PARP12: variants seen among roughly 807,000 people sequenced by gnomAD.
PARP12 encodes poly(ADP-ribose) polymerase family member 12.
In PARP12, 59 loss-of-function variants were observed where a neutral mutation model predicts 72.4. That is an observed-to-expected ratio of 0.81 (90% confidence interval 0.66 to 1.01). The LOEUF (loss-of-function observed/expected upper bound fraction) is 1.01. Among genes scored for constraint, PARP12 ranks in the 50% least tolerant of loss-of-function variants. PARP12 has a pLI of 0.00. For synonymous variants in PARP12, 403 were observed against 371.4 expected (o/e 1.09, Z -0.98); for missense variants, 851 against 914.0 (o/e 0.93, Z 0.89).
At chr7:140,040,854 C>T (rs1185756766) in intron 6 of PARP12, among the ~76,000 whole-genome samples, 2 of 152,168 alleles carry the variant, frequency 1.3e-5, no homozygotes, top group Non-Finnish European at 2.9e-5. Context: ...ACCTCTGCCT[C>T]CCGGGTTCAA....
At chr7:140,049,573 G>C (rs896934432) in intron 4 of PARP12, among the ~76,000 whole-genome samples, 9 of 152,182 alleles carry the variant, frequency 5.9e-5, no homozygotes, top group Non-Finnish European at 1.2e-4. Context: ...GACAGCCTGA[G>C]ACAGGATCTC....
At chr7:140,058,526 GCA>G (rs1416511066) in intron 1 of PARP12, among the ~76,000 whole-genome samples, 1 of 151,612 alleles carries the variant, frequency 6.6e-6, no homozygotes, top group Non-Finnish European at 1.5e-5. Context: ...AGAGATTGGG[GCA>G]CAGACACACA....
At position 140,024,779 on chromosome 7, in the gene PARP12, C is replaced by T. The variant is rs1167595541; in HGVS notation, c.1887G>A (p.Arg629=). 1.9e-6 allele frequency: 3 copies of T among 1,614,182 alleles called. No individual in the cohort carries two copies. In the South Asian group the frequency reaches 3.3e-5, roughly 18 times the overall value. Residue 629 remains arginine, a synonymous_variant, in exon 12 of 12, where the codon AGG becomes AGA. Coordinates refer to ENST00000263549, the MANE Select transcript of PARP12 (RefSeq NM_022750.4). The stretch of plus-strand genomic sequence containing the variant: ...GCGGACGGACAAAGGAGGCATTGCC[C>T]CTGACGAACTCGCCCACCAGCACCC... ...LARVLVGEFV[R]GNASFVRPPA...
At chr7:140,027,144 C>G (rs1569526346) in intron 10 of PARP12, 132 bp downstream of exon 10, 3 of 1,259,180 alleles carry the variant, frequency 2.4e-6, no homozygotes, top group East Asian at 2.4e-5. Flanking sequence ...GGAGAGCAGA[C>G]ACACAGCTCC....
At chr7:140,028,724 A>G (rs534967378) in intron 8 of PARP12, 36 bp from the exon 9 acceptor site, 3 of 1,531,568 alleles carry the variant, frequency 2.0e-6, no homozygotes, top group Admixed American at 3.8e-5. Context: ...TAGACATTTT[A>G]TTCTTACACA....
intron 3 of PARP12, among the ~76,000 whole-genome samples, chr7:140,055,741 AC>A (rs572746676): frequency 9.1e-4 from 139 of 152,372 alleles, no homozygotes; most frequent in Non-Finnish European, 1.7e-3. Context: ...TCTATTTAAT[AC>A]AAAACCTGTC....
Position 140,024,354 on chromosome 7 carries a change from A to G in PARP12, c.*206T>C, listed in dbSNP as rs1585077018. 2 of 621,224 alleles carry G rather than the reference A, an allele frequency of 3.2e-6. No homozygotes were observed. The highest frequency in any genetic ancestry group is 5.8e-5 in the East Asian group (2 of 34,514). 38.5% of individuals were successfully genotyped at this position (621,224 alleles called of 1,614,324 possible). On this transcript the variant is annotated 3_prime_UTR_variant, in exon 12 of 12. Coordinates refer to ENST00000263549, the MANE Select transcript of PARP12 (RefSeq NM_022750.4). ...AAAAAGCAAAACTGGACTCAACTAC[A>G]ATCACTTCTGGTTAATCCACTAGTG...
At chr7:140,048,016 C>T (rs1447248713) in intron 4 of PARP12, among the ~76,000 whole-genome samples, 1 of 152,142 alleles carries the variant, frequency 6.6e-6, no homozygotes, top group African/African-American at 2.4e-5. Flanking sequence ...CTCATCACTG[C>T]AGGGGGCAGT....
chr7:140,024,721 C>T lies in PARP12; in HGVS notation c.1945G>A (p.Asp649Asn), dbSNP rs1186081007. The change falls in exon 12 of 12, where the codon GAT (aspartate) becomes AAT (asparagine). Residue 649 changes from aspartate (D) to asparagine (N), a missense_variant. Physicochemically the swap from Asp to Asn is conservative, Grantham distance 23. This residue lies in a region of PARP12 where 347 missense variants were observed against 396.1 expected (regional missense o/e 0.88). Coordinates refer to ENST00000263549, the MANE Select transcript of PARP12 (RefSeq NM_022750.4). ...TCGGACACACTGTTCACGCAGCTAT[C>T]ATAGAAGGCGTTGCTCCAGCCCTCC... Reference protein sequence around the residue: ...AKEGWSNAFYDSCVNSVSDPS... With the variant: ...AKEGWSNAFYNSCVNSVSDPS... 9 of 1,614,052 alleles carry T rather than the reference C, an allele frequency of 5.6e-6. No individual in the cohort carries two copies. In the South Asian group the frequency reaches 9.9e-5, roughly 18 times the overall value.
chr7:140,058,061 A>G, intron 1 of PARP12, 27 bp from the exon 2 acceptor site: 1 of 1,613,772 alleles, frequency 6.2e-7, no homozygotes. Flanking sequence ...CTGGTGTTAT[A>G]TGTCGAATTG....
rs372789433 is a variant in PARP12, at chr7:140,056,485, G to C, written c.760+371C>G. On this transcript the variant is annotated intron_variant, in intron 3 of 11. Coordinates refer to ENST00000263549, the MANE Select transcript of PARP12 (RefSeq NM_022750.4). ...ATGCTCCCCAGAGCTGTGCAGCACA[G>C]CATTCCTAACTTTGGGTTCCTCCCT... 3.0e-4 allele frequency among the ~76,000 whole-genome samples: 46 copies of C among 152,306 alleles called. 1 individual carries two copies. The South Asian group carries it at 9.1e-3, about 30-fold the overall frequency.
chr7:140,042,273 CCACTT>C, intron 5 of PARP12, among the ~76,000 whole-genome samples: 1 of 152,320 alleles, frequency 6.6e-6, no homozygotes, highest in East Asian at 1.9e-4. Flanking sequence ...ACTATTATCT[CCACTT>C]CACAGACGGG....
chr7:140,053,284 A>G (rs906049165), intron 4 of PARP12, among the ~76,000 whole-genome samples: 6 of 152,222 alleles, frequency 3.9e-5, no homozygotes, highest in South Asian at 2.1e-4. Context: ...AATGATTGAT[A>G]TGCCAGCATG....
chr7:140,025,361 G>A, intron 11 of PARP12: 1 of 301,274 alleles, frequency 3.3e-6, no homozygotes, highest in South Asian at 3.1e-5. Context: ...GCTGTCACCT[G>A]TACATTTAAA....
At position 140,024,043 on chromosome 7, in the gene PARP12, C is replaced by G. The variant is rs1459774205; in HGVS notation, c.*517G>C. The G allele has an allele frequency of 4.7e-6, 1 of 211,466 alleles. No homozygotes were observed. The highest frequency in any genetic ancestry group is 2.3e-5 in the African/African-American group (1 of 42,686). 13.1% of individuals were successfully genotyped at this position (211,466 alleles called of 1,614,324 possible). ...CCTGTTCTGACAATGTGACACAGAC[C>G]AACTAATGCCAGAGCCCAGGAGAAG... On this transcript the variant is annotated 3_prime_UTR_variant, in exon 12 of 12. Coordinates refer to ENST00000263549, the MANE Select transcript of PARP12 (RefSeq NM_022750.4).
At chr7:140,057,825 C>T (rs1817249440) in intron 2 of PARP12, 74 bp downstream of exon 2, 1 of 1,579,700 alleles carries the variant, frequency 6.3e-7, no homozygotes, top group Admixed American at 1.7e-5. Context: ...CATTCCACTC[C>T]CAGTCATTAC....
intron 8 of PARP12, 59 bp from the exon 9 acceptor site, chr7:140,028,747 C>G: frequency 1.4e-6 from 2 of 1,427,322 alleles, no homozygotes; most frequent in South Asian, 2.5e-5. Context: ...GCAAATATAC[C>G]ATAGGTGGTC....
In PARP12 at chr7:140,038,255, C is replaced by A. The variant is rs114348516; in HGVS notation, c.1183-399G>T. The A allele has an allele frequency of 3.2e-4, 317 of 985,446 alleles. 1 individual carries two copies. The African/African-American group carries it at 5.2e-3, about 16-fold the overall frequency. 61.0% of individuals were successfully genotyped at this position (985,446 alleles called of 1,614,324 possible). A position where few individuals can be genotyped will look rare whatever the true frequency, so the allele number is the denominator to read the frequency against. On this transcript the variant is annotated intron_variant, in intron 6 of 11. Transcript: ENST00000263549. ...TGGTCTTACCCGTCTATTCACGTTG[C>A]AACCATCCTTTAATCAGAGCTCGGT...
At chr7:140,062,401 A>T in intron 1 of PARP12, 121 bp downstream of exon 1, 1 of 975,456 alleles carries the variant, frequency 1.0e-6, no homozygotes, top group Non-Finnish European at 1.4e-6. Flanking sequence ...TGACGGTGCG[A>T]GGTCAGGGCA....
Sources: gnomAD v4.1 joint callset for allele counts (sites outside exome capture counted in the v4.1 genomes callset) on GRCh38, gnomAD v4.1.1 for gene constraint, gnomAD v4.1.1 regional missense constraint, MANE v1.5 for transcripts, NCBI Gene and HGNC (gene_info 2026-07-23, HGNC 2026-07-21) for gene names.